Variants in GFRA1 observed in about 807,000 individuals in gnomAD.
GFRA1 encodes GDNF family receptor alpha 1.
Under a neutral mutation model 51.6 loss-of-function variants are expected in GFRA1, and 16 were observed. The observed-to-expected ratio is 0.31, with a 90% confidence interval of 0.21 to 0.47. GFRA1 has a LOEUF of 0.47. Ranked by LOEUF, GFRA1 falls within the 20% of genes least tolerant of loss-of-function variation. GFRA1 has a pLI of 1.00. For synonymous variants in GFRA1, 270 were observed against 241.3 expected, an observed-to-expected ratio of 1.12 and a Z score of -1.10; for missense variants, 530 against 594.3, an observed-to-expected ratio of 0.89 and a Z score of 1.13.
intron 5 of GFRA1, among the ~76,000 whole-genome samples, chr10:116,149,171 C>A (rs1161851773): frequency 1.3e-5 from 2 of 152,178 alleles, no homozygotes; most frequent in African/African-American, 4.8e-5. Flanking sequence ...AGGATCTCAA[C>A]ATGCTCGAGA....
At chr10:116,249,204 A>G (rs1456954591) in intron 4 of GFRA1, among the ~76,000 whole-genome samples, 2 of 152,144 alleles carry the variant, frequency 1.3e-5, no homozygotes, top group African/African-American at 4.8e-5. Context: ...CTGCTAGACT[A>G]TAAGCTCCAT....
chr10:116,065,433 A>G, intron 10 of GFRA1, 140 bp downstream of exon 10: 1 of 710,374 alleles, frequency 1.4e-6, no homozygotes, highest in Non-Finnish European at 2.5e-6. Context: ...CAAAGGGCAG[A>G]CGGTCATGGA....
At chr10:116,230,457 T>C (rs1176340830) in intron 4 of GFRA1, among the ~76,000 whole-genome samples, 1 of 152,178 alleles carries the variant, frequency 6.6e-6, no homozygotes, top group Non-Finnish European at 1.5e-5. Flanking sequence ...CTTTCCAAGA[T>C]GGAAATTATC....
chr10:116,064,282 TGGAACTGTTTCTCAACTGA>T lies in GFRA1; in HGVS notation c.*97_*115del, dbSNP rs1954986651. On this transcript the variant is annotated 3_prime_UTR_variant, in exon 11 of 11. Transcript: ENST00000355422. Reference sequence around the variant, plus strand: ...AAAAAAAAAAAATGTTCCAGTTGAATGGAACTGTTTCTCAACTGAGCTCCTAAACTGGAATTTCAGCTAT... The same window carrying T: ...AAAAAAAAAAAATGTTCCAGTTGAATGCTCCTAAACTGGAATTTCAGCTAT... The T allele has an allele frequency of 1.2e-6, 1 of 864,126 alleles. No homozygotes were observed. The highest frequency in any genetic ancestry group is 1.9e-6 in the Non-Finnish European group (1 of 538,596). 53.5% of individuals were successfully genotyped at this position (864,126 alleles called of 1,614,324 possible).
At chr10:116,225,169 A>T (rs1462742361) in intron 4 of GFRA1, among the ~76,000 whole-genome samples, 2 of 152,190 alleles carry the variant, frequency 1.3e-5, no homozygotes, top group African/African-American at 4.8e-5. Flanking sequence ...CAGACACCAG[A>T]TTACAAAAAC....
chr10:116,092,096 T>TACACACACACACACACACACACACAC (rs58442181), intron 8 of GFRA1, among the ~76,000 whole-genome samples: 3 of 138,110 alleles, frequency 2.2e-5, no homozygotes, highest in South Asian at 5.2e-4. Flanking sequence ...CATACATACG[T>TACACACACACACACACACACACACAC]ACACACACAC....
In GFRA1 at chr10:116,270,692, G is replaced by C. The variant is rs1843834517; in HGVS notation, c.334+130C>G. The C allele has an allele frequency of 5.5e-6, 4 of 732,378 alleles. No individual in the cohort carries two copies. In the South Asian group the frequency reaches 6.9e-5, roughly 13 times the overall value. The allele number at this position is 732,378 out of a possible 1,614,324, so 45.4% of individuals were successfully genotyped here. ...ACACCAGCTGCCGTTGTCCCTGGGG[G>C]CCAAGGAAAGGTCCTCACTCTGCAG... On this transcript the variant is annotated intron_variant, in intron 3 of 10. Coordinates refer to ENST00000355422, the MANE Select transcript of GFRA1 (RefSeq NM_005264.8).
At chr10:116,196,798 C>T (rs1477836688) in intron 5 of GFRA1, among the ~76,000 whole-genome samples, 1 of 107,024 alleles carries the variant, frequency 9.3e-6, no homozygotes, top group Non-Finnish European at 1.9e-5. Context: ...ATATATAATA[C>T]ATATATAAAT....
intron 4 of GFRA1, among the ~76,000 whole-genome samples, chr10:116,233,093 G>A (rs556552190): frequency 1.9e-4 from 29 of 152,206 alleles, no homozygotes; most frequent in African/African-American, 6.5e-4. Context: ...GTAGGAGGCC[G>A]AGGCAGGCAG....
intron 5 of GFRA1, among the ~76,000 whole-genome samples, chr10:116,138,394 C>T (rs1253051926): frequency 6.6e-6 from 1 of 152,068 alleles, no homozygotes; most frequent in Non-Finnish European, 1.5e-5. Context: ...CCCACCTGCA[C>T]TCTTCCTTAT....
chr10:116,269,726 T>C (rs1847620301), intron 3 of GFRA1, 140 bp from the exon 4 acceptor site: 1 of 687,162 alleles, frequency 1.5e-6, no homozygotes, highest in African/African-American at 1.8e-5. Context: ...CAAATGCATC[T>C]CTTTCACTAT....
intron 5 of GFRA1, among the ~76,000 whole-genome samples, chr10:116,128,939 T>C (rs1202603394): frequency 6.6e-6 from 1 of 152,168 alleles, no homozygotes; most frequent in Non-Finnish European, 1.5e-5. Flanking sequence ...TTACTTCATA[T>C]AGCAGTAGGT....
intron 5 of GFRA1, among the ~76,000 whole-genome samples, chr10:116,178,484 C>T (rs772375573): frequency 2.2e-4 from 33 of 152,192 alleles, no homozygotes; most frequent in Non-Finnish European, 3.8e-4. Flanking sequence ...GGCGAGTGTA[C>T]CACTTCAAAA....
intron 5 of GFRA1, among the ~76,000 whole-genome samples, chr10:116,173,848 G>C (rs1288547161): frequency 1.4e-5 from 2 of 145,738 alleles, no homozygotes; most frequent in Non-Finnish European, 3.0e-5. Flanking sequence ...AGGCCAAGGC[G>C]GGCGGATCAC....
intron 6 of GFRA1, among the ~76,000 whole-genome samples, chr10:116,122,912 T>C (rs1255953768): frequency 6.6e-6 from 1 of 152,138 alleles, no homozygotes; most frequent in East Asian, 1.9e-4. Context: ...CACATCTTAT[T>C]ATAGAGACAG....
At chr10:116,236,006 A>G (rs1966866638) in intron 4 of GFRA1, among the ~76,000 whole-genome samples, 1 of 152,166 alleles carries the variant, frequency 6.6e-6, no homozygotes, top group African/African-American at 2.4e-5. Flanking sequence ...GCACAGACTA[A>G]GACACAGCCT....
chr10:116,207,791 T>G (rs1284223818), intron 5 of GFRA1, among the ~76,000 whole-genome samples: 1 of 152,120 alleles, frequency 6.6e-6, no homozygotes, highest in Non-Finnish European at 1.5e-5. Context: ...CAAGACCCTC[T>G]TCAGGCAAAG....
rs7914292 is a variant in GFRA1 at position 116,125,478 on chromosome 10, C to T, written c.513G>A (p.Arg171=). Reference sequence around the variant, plus strand: ...TGGTGCACGGGGTGATGTACGCCGACCTGTACTTCTTGCAAATGTCGTCGA... The same window carrying T: ...TGGTGCACGGGGTGATGTACGCCGATCTGTACTTCTTGCAAATGTCGTCGA... The part of the protein sequence containing the change: ...CNLDDICKKY[R]SAYITPCTTS... Residue 171 remains arginine, a synonymous_variant, in exon 6 of 11, where the codon AGG becomes AGA. Transcript: ENST00000355422. 2.5e-6 allele frequency: 4 copies of T among 1,614,058 alleles called. No homozygotes were observed. Among genetic ancestry groups the T allele is most frequent in the Non-Finnish European group, 3.4e-6 (4 of 1,180,044 alleles).
chr10:116,171,290 C>T (rs1217521104), intron 5 of GFRA1, among the ~76,000 whole-genome samples: 12 of 152,116 alleles, frequency 7.9e-5, no homozygotes, highest in Non-Finnish European at 1.5e-4. Context: ...AGAAATAATA[C>T]GGAGTATAAT....
Sources: allele counts gnomAD v4.1 joint callset (sites outside exome capture counted in the v4.1 genomes callset), GRCh38; gene constraint gnomAD v4.1.1; transcripts MANE v1.5; gene names NCBI Gene and HGNC (gene_info 2026-07-23, HGNC 2026-07-21).